EIF2AK4: variants seen among roughly 807,000 people sequenced by gnomAD.
The protein encoded by EIF2AK4 is eukaryotic translation initiation factor 2 alpha kinase 4, also known as eIF-2-alpha kinase GCN2.
A neutral mutation model predicts 211.1 loss-of-function variants in EIF2AK4; 139 were observed. The ratio of observed to expected loss-of-function variants is 0.66; its 90% CI spans 0.57 to 0.76. The LOEUF (loss-of-function observed/expected upper bound fraction) is 0.76. Ranked by LOEUF, EIF2AK4 falls within the 30% of genes least tolerant of loss-of-function variation. The probability of loss-of-function intolerance (pLI) is 0.00; values close to 1 mark genes in which losing one functional copy is unlikely to be tolerated. For synonymous variants in EIF2AK4, 710 were observed against 751.3 expected (o/e 0.94, Z 0.90); for missense variants, 1,664 against 2,043.8 (o/e 0.81, Z 3.58).
At position 40,026,146 on chromosome 15, in the gene EIF2AK4, C is replaced by T. The variant is rs116547120; in HGVS notation, c.4502+57C>T. The T allele has an allele frequency of 1.0e-5, 15 of 1,447,114 alleles. No homozygotes were observed. The East Asian group carries it at 1.6e-4, about 16-fold the overall frequency. The allele number at this position is 1,447,114 out of a possible 1,614,324, so 89.6% of individuals were successfully genotyped here. On this transcript the variant is annotated intron_variant, in intron 33 of 38. Coordinates refer to ENST00000263791, the MANE Select transcript of EIF2AK4 (RefSeq NM_001013703.4). Reference sequence around the variant, plus strand: ...ACTTCAGTTACCTATATGGAAACTACGTAAATTTATTTTAAAAGTCAATTT... The same window carrying T: ...ACTTCAGTTACCTATATGGAAACTATGTAAATTTATTTTAAAAGTCAATTT...
intron 13 of EIF2AK4, among the ~76,000 whole-genome samples, chr15:39,983,367 A>T (rs984350352): frequency 6.6e-6 from 1 of 151,052 alleles, no homozygotes; most frequent in Admixed American, 6.6e-5. Context: ...GTGTCTGTTC[A>T]TATCTTTTGC....
intron 8 of EIF2AK4, 26 bp from the exon 9 acceptor site, chr15:39,967,318 C>CTTTTTTTTT (rs33911018): frequency 7.7e-7 from 1 of 1,296,922 alleles, no homozygotes; most frequent in Non-Finnish European, 1.0e-6. Flanking sequence ...GCCCAATATT[C>CTTTTTTTTT]TTTTTTTTTT....
At chr15:40,024,403 C>CTTTTTT (rs554877205) in intron 32 of EIF2AK4, among the ~76,000 whole-genome samples, 44 of 90,730 alleles carry the variant, frequency 4.8e-4, no homozygotes, top group Non-Finnish European at 6.4e-4. Flanking sequence ...TTGAGTTTTC[C>CTTTTTT]TTTTTTTTTT....
chr15:39,973,859 T>C, intron 11 of EIF2AK4, 110 bp downstream of exon 11: 1 of 1,255,938 alleles, frequency 8.0e-7, no homozygotes, highest in Non-Finnish European at 1.1e-6. Flanking sequence ...GAAGTGAATA[T>C]GGCTGTTGGA....
rs2035052277 is a variant in EIF2AK4 at position 39,998,542 on chromosome 15, G to T, written c.2869-189G>T. Among the ~76,000 whole-genome samples the T allele has an allele frequency of 2.0e-5, 3 of 152,124 alleles. No individual in the cohort carries two copies. In the South Asian group the frequency reaches 6.2e-4, roughly 32 times the overall value. ...TGAGGTTTGGGTGAGGCTGTCATTT[G>T]GGTAAAGTTTATATTAAAATAATAT... On this transcript the variant is annotated intron_variant, in intron 19 of 38. Transcript: ENST00000263791.
chr15:39,980,298 G>T (rs1010149124), intron 13 of EIF2AK4, among the ~76,000 whole-genome samples: 2 of 152,064 alleles, frequency 1.3e-5, no homozygotes, highest in Non-Finnish European at 2.9e-5. Flanking sequence ...AAATTCTTCA[G>T]AAAAAACTGA....
intron 35 of EIF2AK4, 67 bp from the exon 36 acceptor site, chr15:40,032,102 G>A (rs1175664516): frequency 7.8e-7 from 1 of 1,288,320 alleles, no homozygotes. Context: ...TCCTGGGATA[G>A]GAAATAAGAT....
At chr15:39,956,030 G>A (rs920429788) in intron 6 of EIF2AK4, among the ~76,000 whole-genome samples, 5 of 128,286 alleles carry the variant, frequency 3.9e-5, no homozygotes, top group African/African-American at 1.5e-4. Flanking sequence ...TTTTGAGACG[G>A]TGTCTCGCTC....
chr15:39,998,254 G>A (rs2035043309), intron 19 of EIF2AK4, among the ~76,000 whole-genome samples: 1 of 136,680 alleles, frequency 7.3e-6, no homozygotes, highest in Admixed American at 7.4e-5. Flanking sequence ...GTATATGGGT[G>A]TGGTTTTTTT....
intron 13 of EIF2AK4, 77 bp downstream of exon 13, chr15:39,978,224 T>G (rs2034728807): frequency 1.2e-5 from 9 of 753,106 alleles, no homozygotes; most frequent in Admixed American, 2.6e-5. Context: ...TTAGGTAAAG[T>G]ATTAAGGCTT....
intron 3 of EIF2AK4, among the ~76,000 whole-genome samples, chr15:39,948,271 A>G (rs554273196): frequency 3.9e-5 from 6 of 152,240 alleles, no homozygotes; most frequent in Non-Finnish European, 5.9e-5. Context: ...TTTCAAACAT[A>G]TAATGAAAAT....
intron 28 of EIF2AK4, 95 bp from the exon 29 acceptor site, chr15:40,017,013 C>G: frequency 1.4e-6 from 2 of 1,476,532 alleles, no homozygotes; most frequent in Admixed American, 3.5e-5. Context: ...ATAGATTGTT[C>G]TGATGCTATT....
intron 25 of EIF2AK4, among the ~76,000 whole-genome samples, chr15:40,008,924 A>G (rs1427881089): frequency 5.9e-5 from 9 of 152,118 alleles, no homozygotes; most frequent in Non-Finnish European, 1.3e-4. Context: ...GTGAATACTC[A>G]TTAATCGATT....
intron 5 of EIF2AK4, 100 bp from the exon 6 acceptor site, chr15:39,955,520 G>T: frequency 8.3e-7 from 1 of 1,208,846 alleles, no homozygotes; most frequent in Non-Finnish European, 1.1e-6. Context: ...TAAACATTCA[G>T]CTTAAAATTT....
In EIF2AK4 at chr15:40,009,701, C is replaced by A. The variant is rs776621717; in HGVS notation, c.3664C>A (p.Gln1222Lys). ...HCGIPEDKLS[Q>K]VYIILYDAVT... is the part of the protein sequence containing the mutation. Reference sequence around the variant, plus strand: ...TGGGATCCCAGAAGATAAACTCAGTCAAGTCTACATTATTCTGTATGATGC... The same window carrying A: ...TGGGATCCCAGAAGATAAACTCAGTAAAGTCTACATTATTCTGTATGATGC... Residue 1222 changes from glutamine (Q) to lysine (K), a missense_variant, in exon 26 of 39, where the codon CAA (glutamine) becomes AAA (lysine). Gln to Lys is a moderately conservative substitution (Grantham distance 53, BLOSUM62 1). Transcript: ENST00000263791. The A allele has an allele frequency of 6.2e-7, 1 of 1,606,936 alleles. No homozygotes were observed. Among genetic ancestry groups the A allele is most frequent in the South Asian group, 1.1e-5 (1 of 90,216 alleles).
intron 13 of EIF2AK4, among the ~76,000 whole-genome samples, chr15:39,985,150 A>G (rs568374161): frequency 7.9e-5 from 12 of 152,316 alleles, no homozygotes; most frequent in African/African-American, 2.9e-4. Flanking sequence ...GTGATGGATT[A>G]TGTTTATTCA....
intron 15 of EIF2AK4, among the ~76,000 whole-genome samples, chr15:39,989,151 G>C (rs901095916): frequency 6.6e-6 from 1 of 152,216 alleles, no homozygotes; most frequent in Non-Finnish European, 1.5e-5. Context: ...GAGTAACTTA[G>C]CTTGTCGCAT....
intron 36 of EIF2AK4, 147 bp downstream of exon 36, chr15:40,032,384 A>G (rs1409364797): frequency 1.5e-6 from 1 of 665,202 alleles, no homozygotes; most frequent in Non-Finnish European, 2.6e-6. Context: ...ATTTAAAACT[A>G]TTAAGAACTA....
At chr15:39,981,573 T>A (rs7166430) in intron 13 of EIF2AK4, among the ~76,000 whole-genome samples, 83,349 of 151,686 alleles carry the variant, frequency 0.55, 24,137 homozygotes, top group Non-Finnish European at 0.66. Flanking sequence ...CCATAAATGA[T>A]TCAGGAGTAG....
Sources: allele counts gnomAD v4.1 joint callset (sites outside exome capture counted in the v4.1 genomes callset), GRCh38; gene constraint gnomAD v4.1.1; transcripts MANE v1.5; gene names NCBI Gene and HGNC (gene_info 2026-07-23, HGNC 2026-07-21).